AZIN1: variants seen among roughly 807,000 people sequenced by gnomAD.
AZIN1 encodes the protein antizyme inhibitor 1.
Under a neutral mutation model 47.4 loss-of-function variants are expected in AZIN1, and 12 were observed. The ratio of observed to expected loss-of-function variants is 0.25; its 90% confidence interval spans 0.16 to 0.41. AZIN1 has a LOEUF of 0.41. AZIN1 is among the 10% of genes least tolerant of loss of function. The pLI is 1.00. For missense variants in AZIN1, 410 were observed against 532.4 expected (o/e 0.77, Z 2.26); for synonymous variants, 155 against 176.3 (o/e 0.88, Z 0.96).
At position 102,827,762 on chromosome 8, in the gene AZIN1, A is replaced by G. The variant is rs1811190259; in HGVS notation, c.*805T>C. On this transcript the variant is annotated 3_prime_UTR_variant, in exon 12 of 12. Transcript: ENST00000337198. ...ATGCAGGATTAACATTTTTGGTGTT[A>G]AAATTGTTAAACATCATGCTTACTG... The G allele has an allele frequency of 6.6e-6, 1 of 152,654 alleles. No homozygotes were observed. The highest frequency in any genetic ancestry group is 1.9e-4 in the East Asian group (1 of 5,208). 9.5% of individuals were successfully genotyped at this position (152,654 alleles called of 1,614,324 possible).
chr8:102,850,861 T>C (rs1028608708), intron 2 of AZIN1, among the ~76,000 whole-genome samples: 1 of 152,112 alleles, frequency 6.6e-6, no homozygotes, highest in Non-Finnish European at 1.5e-5. Flanking sequence ...ATAGGAAATA[T>C]ATAAGGGGGC....
chr8:102,826,686 A>G lies in AZIN1; in HGVS notation c.*1881T>C, dbSNP rs1213162336. 6.6e-6 allele frequency: 1 copy of G among 152,670 alleles called. No homozygotes were observed. Among genetic ancestry groups the G allele is most frequent in the African/African-American group, 2.4e-5 (1 of 41,462 alleles). The allele number at this position is 152,670 out of a possible 1,614,324, so 9.5% of individuals were successfully genotyped here. A position where few individuals can be genotyped will look rare whatever the true frequency, so the allele number is the denominator to read the frequency against. On this transcript the variant is annotated 3_prime_UTR_variant, in exon 12 of 12. Coordinates refer to ENST00000337198, the MANE Select transcript of AZIN1 (RefSeq NM_148174.4). The stretch of plus-strand genomic sequence containing the variant: ...CTCCTGCAGATATGGCAAAGTTGAT[A>G]TGCCATGAAGTTCAAGGCCTGTATA...
In AZIN1 at chr8:102,858,158, A is replaced by G; in HGVS notation, c.-233-8T>C. On this transcript the variant is annotated splice_polypyrimidine_tract_variant and splice_region_variant and intron_variant, in intron 1 of 11. Transcript: ENST00000337198. ...TTGGTCAGAAAGTTCGCCCTAAAAG[A>G]AGGAAATAAAAGTAGCAGAAGATAG... The G allele has an allele frequency of 1.0e-5, 4 of 398,938 alleles. No individual in the cohort carries two copies. Among genetic ancestry groups the G allele is most frequent in the Non-Finnish European group, 1.8e-5 (4 of 225,988 alleles). The allele number at this position is 398,938 out of a possible 1,614,324, so 24.7% of individuals were successfully genotyped here.
Position 102,843,633 on chromosome 8 carries a change from T to C in AZIN1, c.20A>G (p.Asp7Gly), listed in dbSNP as rs1812366659. The change falls in exon 3 of 12, where the codon GAT (aspartate) becomes GGT (glycine). Residue 7 changes from aspartate to glycine, a missense_variant. This residue lies in a region of AZIN1 where 237 missense variants were observed against 309.4 expected (regional missense o/e 0.77). Transcript: ENST00000337198. The stretch of plus-strand genomic sequence containing the variant: ...CAACAGGCCAACGGAGTAGTTTGCA[T>C]CATCAATAAATCCTTTCATCTCAGC... MKGFID[D>G]ANYSVGLLDE... is the part of the protein sequence containing the mutation. 11 of 1,613,948 alleles carry C rather than the reference T, an allele frequency of 6.8e-6. No individual in the cohort carries two copies. The East Asian group carries it at 2.5e-4, about 36-fold the overall frequency.
chr8:102,858,580 G>A (rs1283923730), intron 1 of AZIN1, among the ~76,000 whole-genome samples: 1 of 151,998 alleles, frequency 6.6e-6, no homozygotes, highest in Non-Finnish European at 1.5e-5. Context: ...CCAATAGTTT[G>A]GAACCACCCA....
At chr8:102,857,569 A>G (rs891518526) in intron 2 of AZIN1, among the ~76,000 whole-genome samples, 2 of 152,118 alleles carry the variant, frequency 1.3e-5, no homozygotes, top group Non-Finnish European at 2.9e-5. Context: ...ATATATTTTA[A>G]TACCATATAC....
At chr8:102,841,428 A>G (rs1812172127) in intron 3 of AZIN1, among the ~76,000 whole-genome samples, 1 of 152,132 alleles carries the variant, frequency 6.6e-6, no homozygotes, top group Admixed American at 6.6e-5. Flanking sequence ...ATTATATCTG[A>G]CCCCCGAAAA....
intron 2 of AZIN1, among the ~76,000 whole-genome samples, chr8:102,848,173 A>C (rs1812694523): frequency 1.3e-5 from 2 of 152,154 alleles, no homozygotes; most frequent in South Asian, 4.1e-4. Flanking sequence ...CGTAGGCTGT[A>C]CTATCTAGGT....
chr8:102,856,435 C>A (rs1037281110), intron 2 of AZIN1, among the ~76,000 whole-genome samples: 5 of 152,176 alleles, frequency 3.3e-5, no homozygotes, highest in African/African-American at 1.2e-4. Flanking sequence ...CTTTCTGAAT[C>A]CTACATTATT....
intron 2 of AZIN1, among the ~76,000 whole-genome samples, chr8:102,849,126 C>G (rs991501158): frequency 6.6e-6 from 1 of 152,040 alleles, no homozygotes; most frequent in African/African-American, 2.4e-5. Context: ...AAACTTGTCT[C>G]TACTAAAAAT....
In AZIN1 at chr8:102,854,199, A is replaced by G. The variant is rs973393696; in HGVS notation, c.-96+3814T>C. On this transcript the variant is annotated intron_variant, in intron 2 of 11. Coordinates refer to ENST00000337198, the MANE Select transcript of AZIN1 (RefSeq NM_148174.4). ...GATGATCTGCCGGCCTCAGCCTCCCAAAGTGCTGGGATTATAGGTGTGAGG... is the reference window on the plus strand; with the variant it reads ...GATGATCTGCCGGCCTCAGCCTCCCGAAGTGCTGGGATTATAGGTGTGAGG... Among the ~76,000 whole-genome samples the G allele has an allele frequency of 1.1e-3, 169 of 151,974 alleles. 1 individual carries two copies. The highest frequency in any genetic ancestry group is 1.6e-4 in the Non-Finnish European group (11 of 67,986).
In AZIN1 at chr8:102,834,180, G is replaced by A. The variant is rs539047104; in HGVS notation, c.741+9C>T. The A allele has an allele frequency of 3.7e-6, 6 of 1,608,382 alleles. No individual in the cohort carries two copies. The South Asian group carries it at 5.5e-5, about 15-fold the overall frequency. ...TTATTCTGTTAATGTCATCTACTGA[G>A]AAGTTTACCTCTTCCAATTGAAATT... is the stretch of plus-strand genomic sequence containing the variant. On this transcript the variant is annotated intron_variant, in intron 8 of 11. Coordinates refer to ENST00000337198, the MANE Select transcript of AZIN1 (RefSeq NM_148174.4).
intron 7 of AZIN1, 146 bp from the exon 8 acceptor site, chr8:102,834,409 A>G (rs1276558862): frequency 9.0e-6 from 6 of 669,542 alleles, no homozygotes; most frequent in Non-Finnish European, 1.5e-5. Context: ...GAAACAGATT[A>G]TTCAATGTTA....
In AZIN1 at chr8:102,855,401, T is replaced by G. The variant is rs1303553288; in HGVS notation, c.-96+2612A>C. 5 of 152,260 alleles carry G rather than the reference T, an allele frequency of 3.3e-5. No individual in the cohort carries two copies. The South Asian group carries it at 1.0e-3, about 32-fold the overall frequency. The allele number at this position is 152,260 out of a possible 1,614,324, so 9.4% of individuals were successfully genotyped here. On this transcript the variant is annotated intron_variant, in intron 2 of 11. Coordinates refer to ENST00000337198, the MANE Select transcript of AZIN1 (RefSeq NM_148174.4). ...AGGCTCACAAAAACTTTTTCACAAT[T>G]AGGGGCCCATTAATCTTTGATATTG...
rs767404863 is a variant in AZIN1 at position 102,826,669 on chromosome 8, G to T, written c.*1898C>A. ...TTTCTTATAGAACAGCTCTCCTGCAGATATGGCAAAGTTGATATGCCATGA... is the reference window on the plus strand; with the variant it reads ...TTTCTTATAGAACAGCTCTCCTGCATATATGGCAAAGTTGATATGCCATGA... On this transcript the variant is annotated 3_prime_UTR_variant, in exon 12 of 12. Transcript: ENST00000337198. The T allele has an allele frequency of 6.6e-6, 1 of 152,610 alleles. No homozygotes were observed. The highest frequency in any genetic ancestry group is 1.5e-5 in the Non-Finnish European group (1 of 68,042). The allele number at this position is 152,610 out of a possible 1,614,324, so 9.5% of individuals were successfully genotyped here. A position where few individuals can be genotyped will look rare whatever the true frequency, so the allele number is the denominator to read the frequency against.
intron 4 of AZIN1, 55 bp downstream of exon 4, chr8:102,839,595 C>A: frequency 7.6e-7 from 1 of 1,312,318 alleles, no homozygotes; most frequent in Admixed American, 2.8e-5. Context: ...GCTGTAACTA[C>A]ATTAAGTTAA....
At chr8:102,839,049 T>C (rs1284662096) in intron 4 of AZIN1, 133 bp from the exon 5 acceptor site, 7 of 767,760 alleles carry the variant, frequency 9.1e-6, no homozygotes, top group Non-Finnish European at 1.4e-5. Context: ...TGAAGTGCAA[T>C]AGCACAATCA....
At position 102,864,013 on chromosome 8, in the gene AZIN1, G is replaced by C. The variant is rs540166950; in HGVS notation, c.-440C>G. On this transcript the variant is annotated 5_prime_UTR_variant, in exon 1 of 12. Coordinates refer to ENST00000337198, the MANE Select transcript of AZIN1 (RefSeq NM_148174.4). ...CCGAAGGAGAAATAGAACAGCGCAG[G>C]CAAAAGAAGAAAGGCGCGGGCTGGG... 6.4e-6 allele frequency: 1 copy of C among 157,002 alleles called. No individual in the cohort carries two copies. The highest frequency in any genetic ancestry group is 1.8e-4 in the South Asian group (1 of 5,654). The allele number at this position is 157,002 out of a possible 1,614,324, so 9.7% of individuals were successfully genotyped here.
In AZIN1 at chr8:102,864,153, C is replaced by G. The variant is rs970255633; in HGVS notation, c.-580G>C. The G allele has an allele frequency of 5.5e-6, 1 of 180,782 alleles. No individual in the cohort carries two copies. Among genetic ancestry groups the G allele is most frequent in the African/African-American group, 2.4e-5 (1 of 41,564 alleles). 11.2% of individuals were successfully genotyped at this position (180,782 alleles called of 1,614,324 possible). A position where few individuals can be genotyped will look rare whatever the true frequency, so the allele number is the denominator to read the frequency against. On this transcript the variant is annotated 5_prime_UTR_variant, in exon 1 of 12. Transcript: ENST00000337198. ...GGAAAAACTGCGGCCGCGATCAGAG[C>G]CTGAAAGTGTGAGAAGGCGGCGCCA...
Sources: allele counts gnomAD v4.1 joint callset (sites outside exome capture counted in the v4.1 genomes callset), GRCh38; gene constraint gnomAD v4.1.1; regional missense constraint gnomAD v4.1.1; transcripts MANE v1.5; gene names NCBI Gene and HGNC (gene_info 2026-07-23, HGNC 2026-07-21).